The following RIGI variants were observed in gnomAD, a reference collection of about 807,000 sequenced individuals.
The protein encoded by RIGI is RNA sensor RIG-I, also known as antiviral innate immune response receptor RIG-I.
chr9:32,494,819 C>T, the RIGI span, among the ~76,000 whole-genome samples: 2 of 152,098 alleles, frequency 1.3e-5, no homozygotes, highest in African/African-American at 4.8e-5. Flanking sequence ...ACAGCACCCT[C>T]AATGTATGTC....
the RIGI span, among the ~76,000 whole-genome samples, chr9:32,525,503 G>A: frequency 1.3e-5 from 2 of 152,160 alleles, no homozygotes; most frequent in African/African-American, 4.8e-5. Context: ...ACCTGTCTCC[G>A]AAGTTAGATG....
chr9:32,516,595 G>C, the RIGI span, among the ~76,000 whole-genome samples: 24 of 152,170 alleles, frequency 1.6e-4, no homozygotes, highest in Non-Finnish European at 2.9e-4. Context: ...CTGGCATCTG[G>C]ATAAGTGAGT....
chr9:32,515,079 A>G, the RIGI span, among the ~76,000 whole-genome samples: 3 of 152,198 alleles, frequency 2.0e-5, no homozygotes, highest in Non-Finnish European at 4.4e-5. Context: ...GACCAACTTG[A>G]TGTTGATTCC....
At chr9:32,523,137 TTGAGAC>T in the RIGI span, among the ~76,000 whole-genome samples, 8 of 152,278 alleles carry the variant, frequency 5.3e-5, no homozygotes, top group East Asian at 3.9e-4. Flanking sequence ...GGAGATGGAT[TTGAGAC>T]TGATCTCCTA....
chr9:32,508,258 T>TTTTTTTTTTTTTTTTTTTTTTTTTTA, the RIGI span, among the ~76,000 whole-genome samples: 10 of 138,050 alleles, frequency 7.2e-5, 1 homozygote, highest in African/African-American at 2.9e-4. Context: ...TTTTTTTTTT[T>TTTTTTTTTTTTTTTTTTTTTTTTTTA]ACTATATGAA....
the RIGI span, among the ~76,000 whole-genome samples, chr9:32,460,221 G>GT: frequency 2.0e-5 from 3 of 152,188 alleles, no homozygotes; most frequent in Non-Finnish European, 4.4e-5. Context: ...ATGTGGAACT[G>GT]TAAGTCCAAT....
chr9:32,498,426 T>C, the RIGI span: 1 of 449,634 alleles, frequency 2.2e-6, no homozygotes, highest in East Asian at 7.0e-5. Flanking sequence ...AGTGCCTGTT[T>C]CCTGCTTCTG....
chr9:32,473,100 C>G, the RIGI span: 1 of 1,433,296 alleles, frequency 7.0e-7, no homozygotes, highest in Non-Finnish European at 9.6e-7. Context: ...TTGGACACTC[C>G]TTATAAATCA....
the RIGI span, chr9:32,481,341 C>T: frequency 0.011 from 17,398 of 1,609,588 alleles, 122 homozygotes; most frequent in African/African-American, 0.019. Flanking sequence ...GGAACGTACC[C>T]GCAAATGTGA....
At chr9:32,513,779 G>T in the RIGI span, among the ~76,000 whole-genome samples, 6 of 152,278 alleles carry the variant, frequency 3.9e-5, no homozygotes, top group South Asian at 1.2e-3. Flanking sequence ...ACTATCATCA[G>T]AATGAACAGG....
chr9:32,459,238 C>G, the RIGI span: 4 of 1,166,216 alleles, frequency 3.4e-6, no homozygotes, highest in Non-Finnish European at 4.8e-6. Context: ...CACTTCTTAG[C>G]TTTTTTTAAA....
the RIGI span, among the ~76,000 whole-genome samples, chr9:32,489,851 T>C: frequency 6.6e-6 from 1 of 152,244 alleles, no homozygotes; most frequent in Non-Finnish European, 1.5e-5. Flanking sequence ...CAAAGCAATT[T>C]CTTATTAAGG....
chr9:32,478,848 C>T, the RIGI span, among the ~76,000 whole-genome samples: 5 of 152,206 alleles, frequency 3.3e-5, no homozygotes, highest in African/African-American at 1.2e-4. Context: ...GTGTGAGCCA[C>T]CATGCCCGGC....
chr9:32,461,283 C>A, the RIGI span, among the ~76,000 whole-genome samples: 3 of 152,146 alleles, frequency 2.0e-5, no homozygotes, highest in East Asian at 1.9e-4. Context: ...AGCAGATTTA[C>A]CCTAAAAGAA....
chr9:32,476,463 C>A, the RIGI span, among the ~76,000 whole-genome samples: 1 of 152,020 alleles, frequency 6.6e-6, no homozygotes, highest in African/African-American at 2.4e-5. Context: ...CATGACTGCA[C>A]CACTGCATTC....
chr9:32,479,512 T>TC, the RIGI span, among the ~76,000 whole-genome samples: 2 of 152,146 alleles, frequency 1.3e-5, no homozygotes, highest in Admixed American at 1.3e-4. Flanking sequence ...GGCAGTGAGA[T>TC]TATGTGCCAT....
the RIGI span, among the ~76,000 whole-genome samples, chr9:32,499,387 AT>A: frequency 8.1e-6 from 1 of 123,994 alleles, no homozygotes; most frequent in African/African-American, 3.1e-5. Flanking sequence ...ATACAAATGT[AT>A]TTATTTATTC....
chr9:32,468,964 T>C, the RIGI span, among the ~76,000 whole-genome samples: 1 of 152,208 alleles, frequency 6.6e-6, no homozygotes, highest in East Asian at 1.9e-4. Context: ...CTGTCACTAA[T>C]GGCATGTAGA....
the RIGI span, among the ~76,000 whole-genome samples, chr9:32,497,952 G>A: frequency 6.6e-6 from 1 of 152,096 alleles, no homozygotes; most frequent in Non-Finnish European, 1.5e-5. Flanking sequence ...AGGTTGGTAA[G>A]GATTAAAATA....
Sources: gnomAD v4.1 joint callset for allele counts (sites outside exome capture counted in the v4.1 genomes callset) on GRCh38, gnomAD v4.1.1 for gene constraint, MANE v1.5 for transcripts, NCBI Gene and HGNC (gene_info 2026-07-23, HGNC 2026-07-21) for gene names.